The following FDXR variants were observed in gnomAD, a reference collection of about 807,000 sequenced individuals.
FDXR encodes the protein ferredoxin reductase, also known as NADPH:adrenodoxin oxidoreductase, mitochondrial.
A neutral mutation model predicts 58.3 loss-of-function variants in FDXR; 38 were observed. The ratio of observed to expected loss-of-function variants is 0.65; its 90% CI spans 0.50 to 0.85. The LOEUF is 0.85. FDXR is among the 40% of genes least tolerant of loss of function. The probability of loss-of-function intolerance (pLI) is 0.00; values close to 1 mark genes in which losing one functional copy is unlikely to be tolerated. For missense variants in FDXR, 624 were observed against 671.0 expected, an observed-to-expected ratio of 0.93 and a Z score of 0.77; for synonymous variants, 275 against 273.8, an observed-to-expected ratio of 1.00 and a Z score of -0.04.
At chr17:74,870,736 T>C (rs1383323643) in intron 2 of FDXR, among the ~76,000 whole-genome samples, 1 of 150,686 alleles carries the variant, frequency 6.6e-6, no homozygotes, top group Non-Finnish European at 1.5e-5. Context: ...ACTCCCCACA[T>C]GTGGGAGGCC....
chr17:74,864,492 C>G lies in FDXR; in HGVS notation c.790G>C (p.Asp264His). 6.2e-7 allele frequency: 1 copy of G among 1,614,070 alleles called. No homozygotes were observed. The highest frequency in any genetic ancestry group is 1.1e-5 in the South Asian group (1 of 91,078). Residue 264 changes from aspartate (D) to histidine (H), a missense_variant, in exon 8 of 12, where the codon GAC (aspartate) becomes CAC (histidine). Transcript: ENST00000293195. Reference sequence around the variant, plus strand: ...CAGGGCCCCTCACCCTTGATCTTGTCCTGGAGACCCAAGAAATCCACAGGA... The same window carrying G: ...CAGGGCCCCTCACCCTTGATCTTGTGCTGGAGACCCAAGAAATCCACAGGA... ...LDPVDFLGLQ[D>H]KIKEVPRPRK...
At chr17:74,866,644 A>C in intron 3 of FDXR, 76 bp from the exon 4 acceptor site, 3 of 1,602,758 alleles carry the variant, frequency 1.9e-6, no homozygotes, top group Non-Finnish European at 2.6e-6. Context: ...CACCCTCACC[A>C]CTCTGTGTCC....
intron 6 of FDXR, among the ~76,000 whole-genome samples, chr17:74,865,330 G>A (rs2038139429): frequency 6.6e-6 from 1 of 152,118 alleles, no homozygotes; most frequent in Non-Finnish European, 1.5e-5. Context: ...CGGTGAAACA[G>A]AAGTAGACAG....
Position 74,866,486 on chromosome 17 carries a change from G to A in FDXR, c.353C>T (p.Thr118Met), listed in dbSNP as rs571288519. Reference sequence around the variant, plus strand: ...GTAGGCCTCCTGCAGCTCCGGCACCGTCACGTCCCTGCCCACCTCCACGTT... The same window carrying A: ...GTAGGCCTCCTGCAGCTCCGGCACCATCACGTCCCTGCCCACCTCCACGTT... ...WGNVEVGRDV[T>M]VPELQEAYHA... is the part of the protein sequence containing the mutation. Residue 118 changes from threonine to methionine, a missense_variant, in exon 4 of 12, where the codon ACG becomes ATG. By Grantham distance (81) the Thr-to-Met change is moderately conservative. Transcript: ENST00000293195. 3.1e-5 allele frequency: 50 copies of A among 1,613,634 alleles called. No homozygotes were observed. The highest frequency in any genetic ancestry group is 2.7e-4 in the East Asian group (12 of 44,862).
chr17:74,865,723 A>C lies in FDXR; in HGVS notation c.605T>G (p.Leu202Arg), dbSNP rs754564445. 1.9e-6 allele frequency: 3 copies of C among 1,608,612 alleles called. No homozygotes were observed. The East Asian group carries it at 6.7e-5, about 36-fold the overall frequency. ...CAGCCCTGACCTACCACTCACCTCC[A>C]GGTGCTCAGGTGGGGTCAGTAGGAT... ...ARILLTPPEH[L>R]ERTDITKAAL... Residue 202 changes from leucine (L) to arginine (R), a missense_variant, in exon 6 of 12, where the codon CTG becomes CGG. Coordinates refer to ENST00000293195, the MANE Select transcript of FDXR (RefSeq NM_024417.5).
Position 74,864,828 on chromosome 17 carries a change from A to T in FDXR, c.713T>A (p.Ile238Asn), listed in dbSNP as rs748770358. The change falls in exon 7 of 12, where the codon ATT becomes AAT. Residue 238 changes from isoleucine to asparagine, a missense_variant. Coordinates refer to ENST00000293195, the MANE Select transcript of FDXR (RefSeq NM_024417.5). Reference protein sequence around the residue: ...RRGPLQVAFTIKELREMIQLP... With the variant: ...RRGPLQVAFTNKELREMIQLP... ...CTCCCACTCTGGCCCCAGCACCTTAATGGTGAAGGCCACTTGCAGGGGTCC... is the reference window on the plus strand; with the variant it reads ...CTCCCACTCTGGCCCCAGCACCTTATTGGTGAAGGCCACTTGCAGGGGTCC... The T allele has an allele frequency of 8.1e-6, 13 of 1,613,882 alleles. No homozygotes were observed. The highest frequency in any genetic ancestry group is 1.1e-5 in the Non-Finnish European group (13 of 1,179,916).
intron 2 of FDXR, among the ~76,000 whole-genome samples, chr17:74,870,993 G>A (rs1248280959): frequency 6.6e-6 from 1 of 151,170 alleles, no homozygotes; most frequent in African/African-American, 2.5e-5. Flanking sequence ...AGTAGAGATG[G>A]GGTTTCACCA....
Position 74,865,742 on chromosome 17 carries a change from G to A in FDXR, c.586C>T (p.Leu196=). ...NVALDVARIL[L]TPPEHLERTD... ...ACCTCCAGGTGCTCAGGTGGGGTCA[G>A]TAGGATGCGGGCCACGTCCAGAGCC... Residue 196 remains leucine (L), a synonymous_variant, in exon 6 of 12, where the codon CTG becomes TTG. Coordinates refer to ENST00000293195, the MANE Select transcript of FDXR (RefSeq NM_024417.5). The A allele has an allele frequency of 1.2e-6, 2 of 1,612,544 alleles. No homozygotes were observed. The highest frequency in any genetic ancestry group is 1.7e-6 in the Non-Finnish European group (2 of 1,179,776).
chr17:74,865,307 T>C (rs1324349058), intron 6 of FDXR, among the ~76,000 whole-genome samples: 1 of 151,968 alleles, frequency 6.6e-6, no homozygotes, highest in Non-Finnish European at 1.5e-5. Flanking sequence ...AAAATTGCTG[T>C]GGCGATGATA....
intron 4 of FDXR, 37 bp downstream of exon 4, chr17:74,866,409 C>T (rs761558804): frequency 3.1e-6 from 5 of 1,608,148 alleles, no homozygotes; most frequent in Non-Finnish European, 3.4e-6. Context: ...CCTTCTGCAG[C>T]CCCTGCCTCC....
Position 74,867,083 on chromosome 17 carries a change from G to C in FDXR, c.178-207C>G, listed in dbSNP as rs934744809. 3.6e-6 allele frequency: 4 copies of C among 1,098,320 alleles called. No homozygotes were observed. The Admixed American group carries it at 1.2e-4, about 32-fold the overall frequency. 68.0% of individuals were successfully genotyped at this position (1,098,320 alleles called of 1,614,324 possible). A position where few individuals can be genotyped will look rare whatever the true frequency, so the allele number is the denominator to read the frequency against. Reference sequence around the variant, plus strand: ...GCACTTTGGGAGGCTGAGGCAGGTGGATAACCTGAGGTCAGGAGTTCGAGA... The same window carrying C: ...GCACTTTGGGAGGCTGAGGCAGGTGCATAACCTGAGGTCAGGAGTTCGAGA... On this transcript the variant is annotated intron_variant, in intron 2 of 11. Transcript: ENST00000293195.
At chr17:74,871,205 G>A (rs954111926) in intron 2 of FDXR, among the ~76,000 whole-genome samples, 4 of 152,354 alleles carry the variant, frequency 2.6e-5, no homozygotes, top group African/African-American at 9.6e-5. Context: ...GCATGCACGG[G>A]TCACTTTTCA....
At chr17:74,868,985 G>C (rs1251329705) in intron 2 of FDXR, among the ~76,000 whole-genome samples, 1 of 151,956 alleles carries the variant, frequency 6.6e-6, no homozygotes, top group African/African-American at 2.4e-5. Context: ...TTCTGCTCCT[G>C]TTCCCTCGAC....
At chr17:74,868,514 G>A (rs184303267) in intron 2 of FDXR, 127 of 1,428,842 alleles carry the variant, frequency 8.9e-5, no homozygotes, top group African/African-American at 7.0e-4. Context: ...CAAACTGCTC[G>A]GCCTAGAGGT....
intron 2 of FDXR, among the ~76,000 whole-genome samples, chr17:74,867,706 G>T (rs2038240057): frequency 6.6e-6 from 1 of 152,152 alleles, no homozygotes; most frequent in Non-Finnish European, 1.5e-5. Flanking sequence ...CCTTCCCAGG[G>T]CACCTTGAGA....
chr17:74,868,515 G>T, intron 2 of FDXR: 1 of 1,435,250 alleles, frequency 7.0e-7, no homozygotes, highest in Non-Finnish European at 9.5e-7. Context: ...AAACTGCTCG[G>T]CCTAGAGGTC....
intron 1 of FDXR, 65 bp from the exon 2 acceptor site, chr17:74,872,198 C>CT (rs761321851): frequency 1.3e-6 from 2 of 1,571,008 alleles, no homozygotes; most frequent in South Asian, 2.3e-5. Flanking sequence ...CCAAACCAAC[C>CT]TGAATATCCA....
rs2038429087 is a variant in FDXR at position 74,872,974 on chromosome 17, T to C, written c.-30A>G. 3.9e-6 allele frequency: 6 copies of C among 1,540,814 alleles called. No homozygotes were observed. In the South Asian group the frequency reaches 6.0e-5, roughly 15 times the overall value. On this transcript the variant is annotated 5_prime_UTR_variant, in exon 1 of 12. Transcript: ENST00000293195. The stretch of plus-strand genomic sequence containing the variant: ...GGGAGCAGCAACCTGCAAGTGGATC[T>C]GTTCCTAGCTACTGCTCCGCAGGGC...
chr17:74,866,591 G>A, intron 3 of FDXR, 23 bp from the exon 4 acceptor site: 1 of 1,613,348 alleles, frequency 6.2e-7, no homozygotes, highest in Non-Finnish European at 8.5e-7. Flanking sequence ...CCGGGAATGG[G>A]AGGGGTTAGA....
Sources: allele counts gnomAD v4.1 joint callset (sites outside exome capture counted in the v4.1 genomes callset), GRCh38; gene constraint gnomAD v4.1.1; transcripts MANE v1.5; gene names NCBI Gene and HGNC (gene_info 2026-07-23, HGNC 2026-07-21).